Variants in TPST1 observed in about 807,000 individuals in gnomAD.
TPST1 encodes the protein protein-tyrosine sulfotransferase 1.
A neutral mutation model predicts 34.8 loss-of-function variants in TPST1; 20 were observed. The ratio of observed to expected loss-of-function variants is 0.57; its 90% CI spans 0.40 to 0.84. TPST1 has a LOEUF of 0.84. Among genes scored for constraint, TPST1 ranks in the 40% least tolerant of loss-of-function variants. The pLI, the probability that TPST1 is intolerant of heterozygous loss-of-function variation, is 0.00. For missense variants in TPST1, 353 were observed against 455.5 expected (o/e 0.78, Z 2.05); for synonymous variants, 152 against 159.4 (o/e 0.95, Z 0.35).
chr7:66,306,422 C>T (rs1351019121), intron 3 of TPST1, among the ~76,000 whole-genome samples: 4 of 152,140 alleles, frequency 2.6e-5, no homozygotes, highest in African/African-American at 9.7e-5. Flanking sequence ...TGGAGAGCTC[C>T]TTCACCTGCT....
At chr7:66,232,910 T>C (rs1030996354) in intron 1 of TPST1, among the ~76,000 whole-genome samples, 1 of 152,228 alleles carries the variant, frequency 6.6e-6, no homozygotes. Context: ...CTAGTGGGTG[T>C]CAAGTGGTAT....
intron 5 of TPST1, among the ~76,000 whole-genome samples, chr7:66,358,431 TAA>T (rs1358983724): frequency 6.6e-6 from 1 of 151,740 alleles, no homozygotes; most frequent in Non-Finnish European, 1.5e-5. Context: ...TGCATATATA[TAA>T]GATGATATAT....
chr7:66,315,121 C>T (rs1791606572), intron 3 of TPST1, among the ~76,000 whole-genome samples: 1 of 152,130 alleles, frequency 6.6e-6, no homozygotes. Flanking sequence ...TGAAAAGAAA[C>T]AAATGACCCA....
intron 3 of TPST1, among the ~76,000 whole-genome samples, chr7:66,308,723 G>A (rs921252209): frequency 1.3e-5 from 2 of 152,078 alleles, no homozygotes; most frequent in African/African-American, 4.8e-5. Context: ...AGCCTGCAGC[G>A]AACAAGCACT....
At chr7:66,200,870 G>A (rs1265160609), upstream of TPST1, among the ~76,000 whole-genome samples, 1 of 152,104 alleles carries the variant, frequency 6.6e-6, no homozygotes, top group African/African-American at 2.4e-5. Flanking sequence ...GGGATTACAG[G>A]TGTGCCCCCA....
chr7:66,358,713 C>T (rs1792631235), intron 5 of TPST1, among the ~76,000 whole-genome samples: 1 of 151,530 alleles, frequency 6.6e-6, no homozygotes, highest in African/African-American at 2.4e-5. Flanking sequence ...GAATGTTAGT[C>T]TTATGCCCTG....
upstream of TPST1, among the ~76,000 whole-genome samples, chr7:66,201,047 A>G (rs1035519607): frequency 6.6e-6 from 1 of 152,116 alleles, no homozygotes; most frequent in Non-Finnish European, 1.5e-5. Context: ...TGGTGAGGTG[A>G]TCTAATTCTG....
intron 3 of TPST1, among the ~76,000 whole-genome samples, chr7:66,320,476 T>G (rs1791732214): frequency 6.6e-6 from 1 of 151,946 alleles, no homozygotes; most frequent in Non-Finnish European, 1.5e-5. Context: ...CTCGATCTCC[T>G]GACCTTGTGA....
chr7:66,332,478 G>A lies in TPST1; in HGVS notation c.1045-20027G>A, dbSNP rs968355685. 6.6e-6 allele frequency among the ~76,000 whole-genome samples: 1 copy of A among 152,046 alleles called. No individual in the cohort carries two copies. Among genetic ancestry groups the A allele is most frequent in the Non-Finnish European group, 1.5e-5 (1 of 68,010 alleles). On this transcript the variant is annotated intron_variant, in intron 3 of 5. Transcript: ENST00000304842. This position sits in a 1 kb window ranked among gnomAD's most constrained non-coding sequence, Gnocchi z 4.5. ...GAGATGGGGTTTCACCATACTGGTTGGCCAGGCTGGTCTTGAACTCCTGAC... is the reference window on the plus strand; with the variant it reads ...GAGATGGGGTTTCACCATACTGGTTAGCCAGGCTGGTCTTGAACTCCTGAC...
intron 2 of TPST1, among the ~76,000 whole-genome samples, chr7:66,278,663 A>G (rs998136178): frequency 1.3e-5 from 2 of 152,030 alleles, no homozygotes; most frequent in Non-Finnish European, 2.9e-5. Context: ...GGGCGCCTGT[A>G]GTCCCAGCTA....
chr7:66,265,533 G>A (rs969571569), intron 2 of TPST1, among the ~76,000 whole-genome samples: 17 of 144,508 alleles, frequency 1.2e-4, no homozygotes, highest in African/African-American at 4.5e-4. Flanking sequence ...CTGGACGACA[G>A]TGTGGAACCC....
intron 2 of TPST1, among the ~76,000 whole-genome samples, chr7:66,269,284 A>G (rs866163061): frequency 6.6e-6 from 1 of 152,258 alleles, no homozygotes; most frequent in Admixed American, 6.5e-5. Flanking sequence ...AGAACCCAAT[A>G]GAAATTACAT....
At chr7:66,356,124 C>T (rs751286745) in intron 4 of TPST1, among the ~76,000 whole-genome samples, 12 of 152,030 alleles carry the variant, frequency 7.9e-5, no homozygotes, top group Non-Finnish European at 1.5e-4. Context: ...AGTTTAACTT[C>T]TAATGAAAAT....
intron 1 of TPST1, among the ~76,000 whole-genome samples, chr7:66,231,186 T>C (rs1203700416): frequency 6.6e-6 from 1 of 152,088 alleles, no homozygotes; most frequent in Non-Finnish European, 1.5e-5. Context: ...GATTGGTGTG[T>C]TTACAAACCT....
At chr7:66,330,977 T>C (rs1434439631) in intron 3 of TPST1, among the ~76,000 whole-genome samples, 1 of 152,228 alleles carries the variant, frequency 6.6e-6, no homozygotes, top group Non-Finnish European at 1.5e-5. Flanking sequence ...TAGATGCTTC[T>C]AGCTCAGGAT....
At chr7:66,234,831 C>A (rs543309011) in intron 1 of TPST1, among the ~76,000 whole-genome samples, 1 of 151,910 alleles carries the variant, frequency 6.6e-6, no homozygotes, top group Admixed American at 6.6e-5. Context: ...TGCCCGCCAA[C>A]ACGCCTGGCT....
In TPST1 at chr7:66,205,940, A is replaced by G. The variant is rs749951260; in HGVS notation, c.-102+418A>G. 4 of 152,232 alleles carry G rather than the reference A, an allele frequency of 2.6e-5. No homozygotes were observed. The highest frequency in any genetic ancestry group is 9.7e-5 in the African/African-American group (4 of 41,368). 9.4% of individuals were successfully genotyped at this position (152,232 alleles called of 1,614,324 possible). On this transcript the variant is annotated intron_variant, in intron 1 of 5. Transcript: ENST00000304842. This position sits in a 1 kb window ranked among gnomAD's most constrained non-coding sequence, Gnocchi z 5.0. ...ACCCGTTGTACGTAGTCCTGTCTGC[A>G]TGGCAGTCGCCCGCCCCGCTCCAGG...
intron 2 of TPST1, among the ~76,000 whole-genome samples, 183 bp from the exon 3 acceptor site, chr7:66,286,328 C>T (rs1261145827): frequency 5.9e-5 from 9 of 152,092 alleles, no homozygotes; most frequent in Non-Finnish European, 1.0e-4. Context: ...CCAATAATCC[C>T]TGTCAATCTT....
intron 1 of TPST1, among the ~76,000 whole-genome samples, chr7:66,223,286 AAAAG>A (rs1175996112): frequency 3.3e-5 from 5 of 151,526 alleles, no homozygotes; most frequent in African/African-American, 4.9e-5. Flanking sequence ...GTCTCTACAA[AAAAG>A]AAAGAAAGAA....
Sources: gnomAD v4.1 joint callset for allele counts (sites outside exome capture counted in the v4.1 genomes callset) on GRCh38, gnomAD v4.1.1 for gene constraint, Gnocchi (gnomAD v3.1) non-coding constraint, MANE v1.5 for transcripts, NCBI Gene and HGNC (gene_info 2026-07-23, HGNC 2026-07-21) for gene names.